The following CDKL4 variants were observed in gnomAD, a reference collection of about 807,000 sequenced individuals.
CDKL4 encodes the protein cyclin-dependent kinase-like 4.
In CDKL4, 44 loss-of-function variants were observed where a neutral mutation model predicts 42.0. The observed-to-expected ratio is 1.05, with a 90% confidence interval of 0.82 to 1.35. The LOEUF is 1.35. Ranked by LOEUF, CDKL4 falls within the 40% of genes most tolerant of loss-of-function variation. CDKL4 has a pLI of 0.00. For missense variants in CDKL4, 393 were observed against 369.9 expected, an observed-to-expected ratio of 1.06 and a Z score of -0.51; for synonymous variants, 120 against 121.6, an observed-to-expected ratio of 0.99 and a Z score of 0.09.
the CDKL4 span, among the ~76,000 whole-genome samples, chr2:39,170,535 C>T: frequency 7.1e-3 from 1,085 of 152,118 alleles, 11 homozygotes; most frequent in African/African-American, 0.023. Context: ...TGGCTCACTG[C>T]GACCTCCACC....
At chr2:39,240,143 C>T (rs1223945888) in intron 1 of CDKL4, among the ~76,000 whole-genome samples, 1 of 151,612 alleles carries the variant, frequency 6.6e-6, no homozygotes, top group Admixed American at 6.6e-5. Context: ...GGCGTGGTGG[C>T]TCACGCCTGT....
intron 2 of CDKL4, among the ~76,000 whole-genome samples, chr2:39,227,029 A>G (rs1001936300): frequency 6.6e-6 from 1 of 152,052 alleles, no homozygotes; most frequent in African/African-American, 2.4e-5. Context: ...CAAGCAATCC[A>G]TCTGCCTCGG....
rs116909777 is a variant in CDKL4, at chr2:39,238,262, C to T, written c.-57+5609G>A. On this transcript the variant is annotated intron_variant, in intron 1 of 9. Transcript: ENST00000451199. ...CCCGGTCAACATAGTGAGACCCTAT[C>T]TCTAAAAAAATAAAAAATAATTAGC... Among the ~76,000 whole-genome samples, 250 of 152,154 alleles carry T rather than the reference C, an allele frequency of 1.6e-3. 6 individuals are homozygous for T. In the East Asian group the frequency reaches 0.023, roughly 14 times the overall value.
Position 39,225,858 on chromosome 2 carries a change from G to C in CDKL4, c.271C>G (p.Leu91Val). 1 of 1,602,266 alleles carries C rather than the reference G, an allele frequency of 6.2e-7. No individual in the cohort carries two copies. Among genetic ancestry groups the C allele is most frequent in the Admixed American group, 1.7e-5 (1 of 58,104 alleles). The stretch of plus-strand genomic sequence containing the variant: ...ACTTACCCATTTGGGTTTCTTTCCA[G>C]CTCATTTAAAAGTGTATGATCACAG... Residue 91 changes from leucine to valine, a missense_variant, in exon 3 of 10, where the codon CTG (leucine) becomes GTG (valine). Transcript: ENST00000451199.
At chr2:39,205,901 C>CCGCG (rs897601706) in intron 4 of CDKL4, among the ~76,000 whole-genome samples, 4 of 152,136 alleles carry the variant, frequency 2.6e-5, no homozygotes, top group African/African-American at 9.7e-5. Context: ...CCGAAGCATT[C>CCGCG]CGCGCCAGGG....
chr2:39,206,225 C>T (rs918768864), intron 4 of CDKL4, among the ~76,000 whole-genome samples: 2 of 152,024 alleles, frequency 1.3e-5, no homozygotes, highest in African/African-American at 2.4e-5. Context: ...GGATTACAGG[C>T]GCTCACCACC....
intron 1 of CDKL4, among the ~76,000 whole-genome samples, chr2:39,231,838 G>A (rs771252113): frequency 4.6e-5 from 7 of 152,190 alleles, no homozygotes; most frequent in Non-Finnish European, 8.8e-5. Flanking sequence ...GATCACTTGA[G>A]CCCAGGAGTT....
At chr2:39,186,803 AT>A (rs1390430795) in intron 7 of CDKL4, among the ~76,000 whole-genome samples, 1 of 152,164 alleles carries the variant, frequency 6.6e-6, no homozygotes, top group Non-Finnish European at 1.5e-5. Context: ...GAATATAATT[AT>A]TTAAGGGAAA....
intron 2 of CDKL4, among the ~76,000 whole-genome samples, chr2:39,228,818 T>G (rs1251807346): frequency 6.6e-6 from 1 of 151,966 alleles, no homozygotes; most frequent in East Asian, 1.9e-4. Context: ...AAAATTTACA[T>G]TGAGAACTTA....
upstream of CDKL4, among the ~76,000 whole-genome samples, chr2:39,245,169 A>G (rs1679858746): frequency 6.6e-6 from 1 of 152,102 alleles, no homozygotes; most frequent in African/African-American, 2.4e-5. Context: ...TTTGCAACAA[A>G]TCTTGCTACT....
chr2:39,222,190 A>C (rs1254935232), intron 3 of CDKL4, among the ~76,000 whole-genome samples: 1 of 152,248 alleles, frequency 6.6e-6, no homozygotes, highest in African/African-American at 2.4e-5. Flanking sequence ...CAAGTACCAC[A>C]ACAGGGATGA....
At chr2:39,183,605 C>CA (rs1284414825) in intron 8 of CDKL4, among the ~76,000 whole-genome samples, 1 of 152,182 alleles carries the variant, frequency 6.6e-6, no homozygotes, top group Non-Finnish European at 1.5e-5. Flanking sequence ...GTTGGGCTTG[C>CA]AGTGCTTGAT....
chr2:39,216,669 G>A (rs767951901), intron 3 of CDKL4, among the ~76,000 whole-genome samples: 7 of 152,140 alleles, frequency 4.6e-5, no homozygotes, highest in Non-Finnish European at 1.0e-4. Flanking sequence ...AGCGAGGGTG[G>A]AGTACATGCT....
chr2:39,172,558 A>T (rs1269755721), downstream of CDKL4, among the ~76,000 whole-genome samples: 1 of 152,190 alleles, frequency 6.6e-6, no homozygotes, highest in Admixed American at 6.5e-5. Context: ...TTAAACAGGC[A>T]TATGGCATCA....
At chr2:39,226,465 T>TTATATATATATTATATATTA (rs1558580595) in intron 2 of CDKL4, among the ~76,000 whole-genome samples, 1 of 102,768 alleles carries the variant, frequency 9.7e-6, no homozygotes, top group Non-Finnish European at 2.6e-5. Flanking sequence ...ATTATATATA[T>TTATATATATATTATATATTA]TATATATATA....
At chr2:39,170,478 CAG>C in the CDKL4 span, among the ~76,000 whole-genome samples, 28 of 151,892 alleles carry the variant, frequency 1.8e-4, no homozygotes, top group Non-Finnish European at 3.1e-4. Context: ...GTTTTTGAGA[CAG>C]AGTCTTGCTC....
chr2:39,205,471 G>T (rs913863451), intron 4 of CDKL4, among the ~76,000 whole-genome samples: 1 of 152,028 alleles, frequency 6.6e-6, no homozygotes, highest in African/African-American at 2.4e-5. Flanking sequence ...GTGTGAAAGA[G>T]GGGCCTATAG....
chr2:39,185,750 C>T (rs191866264), intron 7 of CDKL4, among the ~76,000 whole-genome samples: 2 of 152,008 alleles, frequency 1.3e-5, no homozygotes, highest in Admixed American at 1.3e-4. Flanking sequence ...TGTGAGCCAC[C>T]GCGCCTGGCT....
rs757842665 is a variant in CDKL4 at position 39,187,677 on chromosome 2, TA to T, written c.684del (p.Phe228LeufsTer33). 2.5e-5 allele frequency: 41 copies of T among 1,612,732 alleles called. 1 individual carries two copies. In the East Asian group the frequency reaches 8.2e-4, roughly 32 times the overall value. ...ATGCCATGGAAAAACCCGTTACTTT[TA>T]AAGATTGATTGATGTCTTGGGATTA... On this transcript the variant is annotated frameshift_variant, in exon 7 of 10. Transcript: ENST00000451199. LOFTEE classifies it high-confidence loss of function.
Sources: allele counts gnomAD v4.1 joint callset (sites outside exome capture counted in the v4.1 genomes callset), GRCh38; gene constraint gnomAD v4.1.1; transcripts MANE v1.5; gene names NCBI Gene and HGNC (gene_info 2026-07-23, HGNC 2026-07-21).